The following ADGRV1 variants were observed in gnomAD, a reference collection of about 807,000 sequenced individuals.
The protein encoded by ADGRV1 is adhesion G protein-coupled receptor V1, also known as G-protein coupled receptor 98.
ADGRV1 carries 359 observed loss-of-function variants against 596.2 expected under a neutral mutation model. The ratio of observed to expected loss-of-function variants is 0.60; its 90% confidence interval spans 0.55 to 0.66. The LOEUF (loss-of-function observed/expected upper bound fraction) is 0.66. ADGRV1 is among the 30% of genes least tolerant of loss of function. The pLI is 0.00. For missense variants in ADGRV1, 7,274 were observed against 7,575.6 expected (o/e 0.96, Z 1.48); for synonymous variants, 2,681 against 2,679.2 (o/e 1.00, Z -0.02).
intron 85 of ADGRV1, among the ~76,000 whole-genome samples, chr5:91,043,941 TC>T (rs778252369): frequency 6.6e-6 from 1 of 151,988 alleles, no homozygotes; most frequent in East Asian, 1.9e-4. Context: ...TATTTTGAAC[TC>T]CCTGTTTCTT....
intron 84 of ADGRV1, among the ~76,000 whole-genome samples, chr5:90,977,576 G>A (rs928041995): frequency 2.0e-5 from 3 of 152,088 alleles, no homozygotes; most frequent in Non-Finnish European, 4.4e-5. Context: ...ATGAATAAGC[G>A]AATGAATGTG....
In ADGRV1 at chr5:91,043,214, T is replaced by G. The variant is rs889850854; in HGVS notation, c.18153-29233T>G. On this transcript the variant is annotated intron_variant, in intron 85 of 89. Transcript: ENST00000405460. ...GGCTGTAATACAGTGGAGTTGTCCA[T>G]TGTCTGGATACAAATCCATTTGTGT... 3.3e-5 allele frequency among the ~76,000 whole-genome samples: 5 copies of G among 152,292 alleles called. No homozygotes were observed. The South Asian group carries it at 6.2e-4, about 19-fold the overall frequency.
At chr5:90,578,090 T>C (rs566237164) in intron 1 of ADGRV1, among the ~76,000 whole-genome samples, 1 of 152,222 alleles carries the variant, frequency 6.6e-6, no homozygotes, top group Non-Finnish European at 1.5e-5. Flanking sequence ...TTTTCCTGAT[T>C]GAATACCTTG....
intron 48 of ADGRV1, among the ~76,000 whole-genome samples, chr5:90,726,199 A>T (rs1751752974): frequency 6.6e-6 from 1 of 152,204 alleles, no homozygotes; most frequent in Non-Finnish European, 1.5e-5. Context: ...CTTGAAACCC[A>T]ATCTTAGTCC....
At chr5:90,565,600 C>T (rs1343429180) in intron 1 of ADGRV1, among the ~76,000 whole-genome samples, 1 of 152,116 alleles carries the variant, frequency 6.6e-6, no homozygotes, top group East Asian at 1.9e-4. Context: ...TGGGTGTTTG[C>T]ATTGGTTTTA....
chr5:91,123,697 G>A (rs1441483071), intron 87 of ADGRV1, among the ~76,000 whole-genome samples: 1 of 152,106 alleles, frequency 6.6e-6, no homozygotes, highest in African/African-American at 2.4e-5. Context: ...CATTCCCTGA[G>A]CTAAGTATTT....
chr5:90,861,363 G>T (rs1018920492), intron 82 of ADGRV1, among the ~76,000 whole-genome samples: 4 of 151,500 alleles, frequency 2.6e-5, no homozygotes, highest in African/African-American at 9.7e-5. Flanking sequence ...AGGCTGGATT[G>T]CAGTGGTGTG....
At chr5:91,069,693 C>T (rs1346299823) in intron 85 of ADGRV1, among the ~76,000 whole-genome samples, 3 of 152,284 alleles carry the variant, frequency 2.0e-5, no homozygotes, top group Middle Eastern at 3.4e-3. Context: ...CTGTCAAAAG[C>T]AGTTTGGAGA....
intron 29 of ADGRV1, among the ~76,000 whole-genome samples, chr5:90,686,458 T>C (rs930649029): frequency 5.9e-5 from 9 of 152,044 alleles, no homozygotes; most frequent in Admixed American, 3.9e-4. Flanking sequence ...AGTGAGAATA[T>C]GCAGTGTTTG....
chr5:90,932,196 G>GT (rs1408360933), intron 83 of ADGRV1, among the ~76,000 whole-genome samples: 1 of 152,120 alleles, frequency 6.6e-6, no homozygotes, highest in Non-Finnish European at 1.5e-5. Context: ...GGCTGTGAAT[G>GT]TTTTTTCATT....
rs192194696 is a variant in ADGRV1 at position 91,116,445 on chromosome 5, A to G, written c.18432+14105A>G. 1.7e-4 allele frequency among the ~76,000 whole-genome samples: 26 copies of G among 152,350 alleles called. No homozygotes were observed. The East Asian group carries it at 5.0e-3, about 29-fold the overall frequency. ...TCCAGCACTTAACTGGTGTGTATTA[A>G]CATTAACTGCCTTTCTCTTGTCCCT... On this transcript the variant is annotated intron_variant, in intron 87 of 89. Transcript: ENST00000405460.
intron 21 of ADGRV1, among the ~76,000 whole-genome samples, chr5:90,667,431 G>A (rs1174551375): frequency 3.4e-5 from 5 of 146,182 alleles, no homozygotes; most frequent in African/African-American, 7.7e-5. Flanking sequence ...CATTCTTCAC[G>A]TAGTTCTCGA....
intron 22 of ADGRV1, among the ~76,000 whole-genome samples, chr5:90,673,578 G>T (rs150079426): frequency 6.6e-6 from 1 of 152,178 alleles, no homozygotes; most frequent in Non-Finnish European, 1.5e-5. Flanking sequence ...AGAGCAGGGT[G>T]CCTGTAGATT....
chr5:90,587,315 G>A, intron 1 of ADGRV1, among the ~76,000 whole-genome samples: 1 of 152,084 alleles, frequency 6.6e-6, no homozygotes, highest in East Asian at 1.9e-4. Flanking sequence ...CCTCTAAAAA[G>A]TGCTGCTTCC....
At chr5:90,932,646 A>G (rs1775348948) in intron 83 of ADGRV1, among the ~76,000 whole-genome samples, 1 of 152,216 alleles carries the variant, frequency 6.6e-6, no homozygotes, top group Non-Finnish European at 1.5e-5. Context: ...AAATGTAAAA[A>G]CATATAGATC....
chr5:90,801,100 A>T (rs1761323104), intron 70 of ADGRV1, among the ~76,000 whole-genome samples: 1 of 152,186 alleles, frequency 6.6e-6, no homozygotes, highest in South Asian at 2.1e-4. Flanking sequence ...AATGATAGGC[A>T]GTATAGAAAA....
At chr5:91,097,702 G>C (rs1790996062) in intron 86 of ADGRV1, among the ~76,000 whole-genome samples, 1 of 152,132 alleles carries the variant, frequency 6.6e-6, no homozygotes, top group South Asian at 2.1e-4. Context: ...GCATGCACAA[G>C]GGTTCCAATT....
intron 1 of ADGRV1, among the ~76,000 whole-genome samples, chr5:90,589,061 A>AT (rs906194641): frequency 2.0e-5 from 3 of 152,218 alleles, no homozygotes; most frequent in South Asian, 2.1e-4. Flanking sequence ...GATATCTTCT[A>AT]TTTTTTTAAA....
At chr5:90,667,691 T>G (rs559471992) in intron 21 of ADGRV1, among the ~76,000 whole-genome samples, 1,621 of 152,184 alleles carry the variant, frequency 0.011, 24 homozygotes, top group Non-Finnish European at 0.014. Context: ...GGCGCTCTGC[T>G]TTTTAGAGTT....
Sources: allele counts gnomAD v4.1 joint callset (sites outside exome capture counted in the v4.1 genomes callset), GRCh38; gene constraint gnomAD v4.1.1; transcripts MANE v1.5; gene names NCBI Gene and HGNC (gene_info 2026-07-23, HGNC 2026-07-21).